Variants in COG5 observed in about 807,000 individuals in gnomAD.
COG5 encodes component of oligomeric golgi complex 5.
A neutral mutation model predicts 110.4 loss-of-function variants in COG5; 86 were observed. That is an observed-to-expected ratio of 0.78 (90% CI 0.65 to 0.93). COG5 has a LOEUF of 0.93. COG5 is among the 40% of genes least tolerant of loss of function. The pLI is 0.00. For synonymous variants in COG5, 360 were observed against 334.6 expected (o/e 1.08, Z -0.83); for missense variants, 1,077 against 987.0 (o/e 1.09, Z -1.22).
At chr7:107,210,496 G>T in intron 21 of COG5, 30 bp downstream of exon 21, 1 of 1,574,598 alleles carries the variant, frequency 6.4e-7, no homozygotes. Flanking sequence ...TTCCAGACCA[G>T]ATGGGTGCCC....
rs146329178 is a variant in COG5 at position 107,336,586 on chromosome 7, A to C, written c.1027-12065T>G. On this transcript the variant is annotated intron_variant, in intron 10 of 21. Transcript: ENST00000297135. ...ATATACTTAAGGTGATGGATATCCC[A>C]ATTACCTTGATTTGATCTTTACACA... Among the ~76,000 whole-genome samples the C allele has an allele frequency of 8.5e-5, 13 of 152,362 alleles. No individual in the cohort carries two copies. In the East Asian group the frequency reaches 2.5e-3, roughly 29 times the overall value.
At chr7:107,208,389 C>T (rs1584521689) in intron 21 of COG5, 3 of 985,434 alleles carry the variant, frequency 3.0e-6, no homozygotes, top group Non-Finnish European at 3.6e-6. Context: ...TTGTGATGTA[C>T]ACACAGCAGG....
intron 16 of COG5, among the ~76,000 whole-genome samples, chr7:107,256,351 A>G (rs1802878778): frequency 6.6e-6 from 1 of 152,120 alleles, no homozygotes; most frequent in African/African-American, 2.4e-5. Flanking sequence ...TAGCATCTCT[A>G]CCATGTCATG....
At chr7:107,208,993 G>A (rs2116172578) in intron 21 of COG5, 3 of 970,628 alleles carry the variant, frequency 3.1e-6, no homozygotes, top group Middle Eastern at 5.3e-4. Flanking sequence ...GGCCTACCCT[G>A]GAGATTCTGA....
chr7:107,383,970 T>G (rs1169868318), intron 7 of COG5, among the ~76,000 whole-genome samples: 2 of 151,826 alleles, frequency 1.3e-5, no homozygotes, highest in Admixed American at 6.6e-5. Flanking sequence ...AAGGATAAAG[T>G]TTTTTTTGCC....
intron 6 of COG5, among the ~76,000 whole-genome samples, chr7:107,512,720 C>T (rs1300313575): frequency 6.6e-6 from 1 of 152,138 alleles, no homozygotes; most frequent in Non-Finnish European, 1.5e-5. Context: ...TGGAACAGAA[C>T]AGAGCCCTCA....
At position 107,563,643 on chromosome 7, in the gene COG5, G is replaced by C. The variant is rs111276765; in HGVS notation, c.94+160C>G. 6 of 787,488 alleles carry C rather than the reference G, an allele frequency of 7.6e-6. No homozygotes were observed. In the African/African-American group the frequency reaches 8.5e-5, roughly 11 times the overall value. The allele number at this position is 787,488 out of a possible 1,614,324, so 48.8% of individuals were successfully genotyped here. A position where few individuals can be genotyped will look rare whatever the true frequency, so the allele number is the denominator to read the frequency against. On this transcript the variant is annotated intron_variant, in intron 1 of 21. Coordinates refer to ENST00000297135, the MANE Select transcript of COG5 (RefSeq NM_006348.5). ...AGCCAGTCCCAGAGTAAATAGGTTG[G>C]CTAGAACAGTACCCAAGCCAGGGGG...
intron 6 of COG5, among the ~76,000 whole-genome samples, chr7:107,424,150 G>A (rs1364458061): frequency 6.6e-6 from 1 of 151,972 alleles, no homozygotes; most frequent in Non-Finnish European, 1.5e-5. Flanking sequence ...GTGCGTGCCT[G>A]TAGTACCAGC....
At chr7:107,550,999 T>C (rs909269422) in intron 3 of COG5, among the ~76,000 whole-genome samples, 8 of 152,148 alleles carry the variant, frequency 5.3e-5, no homozygotes, top group Non-Finnish European at 1.2e-4. Flanking sequence ...TAATTACTAT[T>C]TGATTGCCTG....
intron 6 of COG5, among the ~76,000 whole-genome samples, chr7:107,459,817 A>T (rs914269069): frequency 4.0e-5 from 6 of 151,728 alleles, no homozygotes; most frequent in Non-Finnish European, 7.4e-5. Flanking sequence ...AAAAAAGTTA[A>T]TAGAACAGTA....
At chr7:107,553,360 C>T in intron 3 of COG5, among the ~76,000 whole-genome samples, 1 of 152,184 alleles carries the variant, frequency 6.6e-6, no homozygotes, top group East Asian at 1.9e-4. Flanking sequence ...AAATAACAAA[C>T]TATTATTTCC....
chr7:107,265,872 T>C lies in COG5; in HGVS notation c.1576-7489A>G, dbSNP rs370813143. Among the ~76,000 whole-genome samples, 3 of 152,072 alleles carry C rather than the reference T, an allele frequency of 2.0e-5. No homozygotes were observed. In the East Asian group the frequency reaches 5.8e-4, roughly 30 times the overall value. ...AAGTTTGAGACCAACCTGAGCAACA[T>C]AGTGAGACCCTGTCTCTACAAAAAA... On this transcript the variant is annotated intron_variant, in intron 14 of 21. Coordinates refer to ENST00000297135, the MANE Select transcript of COG5 (RefSeq NM_006348.5).
At chr7:107,316,607 A>AT (rs943839553) in intron 11 of COG5, among the ~76,000 whole-genome samples, 1 of 145,442 alleles carries the variant, frequency 6.9e-6, no homozygotes, top group African/African-American at 2.6e-5. Context: ...AGGTCTGGAG[A>AT]TTGAGACCAT....
At chr7:107,272,280 A>T (rs912171892) in intron 14 of COG5, among the ~76,000 whole-genome samples, 9 of 152,226 alleles carry the variant, frequency 5.9e-5, no homozygotes, top group Admixed American at 5.9e-4. Flanking sequence ...GCTATTCAGA[A>T]ACTCAAAAGA....
At chr7:107,318,226 C>A (rs1296126386) in intron 11 of COG5, among the ~76,000 whole-genome samples, 2 of 152,072 alleles carry the variant, frequency 1.3e-5, no homozygotes, top group African/African-American at 4.8e-5. Flanking sequence ...CAGGGTTTCA[C>A]CATGTTGGCC....
At position 107,523,821 on chromosome 7, in the gene COG5, G is replaced by GA. The variant is rs113340276; in HGVS notation, c.538+3415dup. Among the ~76,000 whole-genome samples, 603 of 97,790 alleles carry GA rather than the reference G, an allele frequency of 6.2e-3. 4 individuals carry two copies. The highest frequency in any genetic ancestry group is 8.4e-3 in the Non-Finnish European group (379 of 44,990). The allele number at this position is 97,790 out of a possible 152,430, so 64.2% of individuals were successfully genotyped here. ...CAACAGCAAAACTTTGTCTCAAAAA[G>GA]AAAAAAAAAAAAAGAATGTAAACAT... On this transcript the variant is annotated intron_variant, in intron 6 of 21. Transcript: ENST00000297135.
intron 1 of COG5, among the ~76,000 whole-genome samples, chr7:107,559,599 G>A (rs946831417): frequency 6.6e-6 from 1 of 152,102 alleles, no homozygotes; most frequent in Non-Finnish European, 1.5e-5. Context: ...TATCATTCTG[G>A]TAACAACCAA....
At chr7:107,278,234 C>T (rs1029228668) in intron 14 of COG5, among the ~76,000 whole-genome samples, 4 of 151,828 alleles carry the variant, frequency 2.6e-5, no homozygotes, top group African/African-American at 9.7e-5. Context: ...GATTTCCCTT[C>T]CTTCCTTCCC....
rs184283431 is a variant in COG5 at position 107,275,968 on chromosome 7, T to C, written c.1575+5332A>G. Among the ~76,000 whole-genome samples, 4 of 152,308 alleles carry C rather than the reference T, an allele frequency of 2.6e-5. No individual in the cohort carries two copies. In the East Asian group the frequency reaches 7.7e-4, roughly 29 times the overall value. ...TTATAAAATTATATAAAGAATAAAG[T>C]GTATATTTACAAAGCCTTAAAATAA... is the stretch of plus-strand genomic sequence containing the variant. On this transcript the variant is annotated intron_variant, in intron 14 of 21. Coordinates refer to ENST00000297135, the MANE Select transcript of COG5 (RefSeq NM_006348.5).
Sources: allele counts gnomAD v4.1 joint callset (sites outside exome capture counted in the v4.1 genomes callset), GRCh38; gene constraint gnomAD v4.1.1; transcripts MANE v1.5; gene names NCBI Gene and HGNC (gene_info 2026-07-23, HGNC 2026-07-21).